Variants in PRKCB observed in about 807,000 individuals in gnomAD.
PRKCB encodes protein kinase C beta.
Under a neutral mutation model 81.5 loss-of-function variants are expected in PRKCB, and 13 were observed. The observed-to-expected ratio is 0.16, with a 90% CI of 0.10 to 0.25. The LOEUF (loss-of-function observed/expected upper bound fraction) is 0.25. Ranked by LOEUF, PRKCB falls within the 10% of genes least tolerant of loss-of-function variation. The pLI, the probability that PRKCB is intolerant of heterozygous loss-of-function variation, is 1.00. For synonymous variants in PRKCB, 335 were observed against 321.4 expected (o/e 1.04, Z -0.45); for missense variants, 509 against 875.7 (o/e 0.58, Z 5.29).
intron 10 of PRKCB, among the ~76,000 whole-genome samples, chr16:24,162,926 A>G (rs534579285): frequency 6.6e-6 from 1 of 152,134 alleles, no homozygotes; most frequent in African/African-American, 2.4e-5. Flanking sequence ...GGGCCTCATG[A>G]GGAGCTAGAA....
At chr16:23,886,719 T>G (rs1475664472) in intron 2 of PRKCB, among the ~76,000 whole-genome samples, 2 of 152,180 alleles carry the variant, frequency 1.3e-5, no homozygotes, top group Non-Finnish European at 2.9e-5. Context: ...AGCCGTGTTA[T>G]GAGTTGAACA....
intron 15 of PRKCB, among the ~76,000 whole-genome samples, chr16:24,189,660 A>AAG (rs1567407139): frequency 6.6e-6 from 1 of 151,448 alleles, no homozygotes. Context: ...AAAAAAAAAA[A>AAG]AAGAAGTAGC....
chr16:23,926,110 A>G (rs1267646547), intron 2 of PRKCB, among the ~76,000 whole-genome samples: 2 of 151,904 alleles, frequency 1.3e-5, no homozygotes, highest in Non-Finnish European at 2.9e-5. Flanking sequence ...CTCCGGCTCT[A>G]TAAAAATTAA....
chr16:24,109,557 G>C (rs377642616), intron 7 of PRKCB, among the ~76,000 whole-genome samples: 1 of 126,904 alleles, frequency 7.9e-6, no homozygotes, highest in African/African-American at 3.8e-5. Flanking sequence ...ATGGCCGCCC[G>C]GCAGAGGTGC....
intron 2 of PRKCB, among the ~76,000 whole-genome samples, chr16:23,933,928 C>CT (rs1964019603): frequency 2.1e-3 from 2 of 962 alleles, no homozygotes; most frequent in Non-Finnish European, 4.0e-3. Flanking sequence ...TCCTTCCATT[C>CT]ATCCATCCAT....
chr16:24,088,041 G>A (rs1966330268), intron 5 of PRKCB, among the ~76,000 whole-genome samples: 1 of 152,216 alleles, frequency 6.6e-6, no homozygotes, highest in Admixed American at 6.5e-5. Flanking sequence ...AACAAAGATA[G>A]TAAAGAAACA....
At chr16:24,117,589 A>G (rs1391734332) in intron 8 of PRKCB, among the ~76,000 whole-genome samples, 3 of 152,138 alleles carry the variant, frequency 2.0e-5, no homozygotes. Flanking sequence ...AAGCCCACAG[A>G]GGTTTAAGTA....
intron 2 of PRKCB, among the ~76,000 whole-genome samples, chr16:23,901,187 G>A (rs897513789): frequency 8.5e-5 from 13 of 152,144 alleles, no homozygotes; most frequent in African/African-American, 3.1e-4. Context: ...GAGCACGTGA[G>A]CGTTTGGGAT....
intron 16 of PRKCB, among the ~76,000 whole-genome samples, chr16:24,203,636 G>A (rs932212003): frequency 6.6e-6 from 1 of 152,170 alleles, no homozygotes; most frequent in Non-Finnish European, 1.5e-5. Flanking sequence ...TCCAGTGACA[G>A]TTGAATTTGG....
At chr16:24,088,714 C>CA (rs56883594) in intron 5 of PRKCB, among the ~76,000 whole-genome samples, 11,008 of 113,298 alleles carry the variant, frequency 0.097, 548 homozygotes, top group Middle Eastern at 0.19. Flanking sequence ...GACCCTGTGT[C>CA]AAAAAAAAAA....
intron 2 of PRKCB, among the ~76,000 whole-genome samples, chr16:23,868,825 T>C (rs1962854094): frequency 6.6e-6 from 1 of 152,234 alleles, no homozygotes. Context: ...CACTTGGGTT[T>C]GTTTTTGGCT....
intron 2 of PRKCB, among the ~76,000 whole-genome samples, chr16:23,854,817 G>A (rs566072956): frequency 6.6e-6 from 1 of 152,242 alleles, no homozygotes; most frequent in Admixed American, 6.5e-5. Context: ...CCTCGCAATT[G>A]CTTGGCTGTC....
chr16:23,909,917 T>G (rs1324486513), intron 2 of PRKCB, among the ~76,000 whole-genome samples: 1 of 152,188 alleles, frequency 6.6e-6, no homozygotes. Flanking sequence ...TCTCATGATC[T>G]AATCACCTCC....
At chr16:23,971,272 G>A (rs1056104908) in intron 2 of PRKCB, among the ~76,000 whole-genome samples, 1 of 152,196 alleles carries the variant, frequency 6.6e-6, no homozygotes, top group African/African-American at 2.4e-5. Context: ...CATGTTGTAG[G>A]TGTAGCGGGC....
chr16:23,988,448 C>A, intron 2 of PRKCB, 60 bp from the exon 3 acceptor site: 3 of 1,391,124 alleles, frequency 2.2e-6, no homozygotes, highest in Non-Finnish European at 3.1e-6. Flanking sequence ...CCCTTTCTCT[C>A]TCTTCCTCCT....
chr16:24,032,339 C>T (rs920698564), intron 4 of PRKCB, 92 bp downstream of exon 4: 1 of 831,148 alleles, frequency 1.2e-6, no homozygotes, highest in Non-Finnish European at 1.9e-6. Context: ...GTCTGCCATA[C>T]ATTCCCCCCT....
intron 7 of PRKCB, among the ~76,000 whole-genome samples, chr16:24,112,372 A>G (rs539541094): frequency 6.6e-5 from 10 of 151,622 alleles, no homozygotes; most frequent in African/African-American, 2.2e-4. Flanking sequence ...CTACAAAAAA[A>G]TTTTTTTTTG....
intron 5 of PRKCB, among the ~76,000 whole-genome samples, chr16:24,066,698 T>C (rs1200447346): frequency 2.0e-5 from 3 of 152,214 alleles, no homozygotes; most frequent in Admixed American, 2.0e-4. Flanking sequence ...TAAGTTGTCA[T>C]GTTTCCTAAG....
At chr16:24,189,836 A>G (rs1477847054) in intron 15 of PRKCB, among the ~76,000 whole-genome samples, 1 of 152,166 alleles carries the variant, frequency 6.6e-6, no homozygotes, top group Non-Finnish European at 1.5e-5. Flanking sequence ...TTCCTTCCCC[A>G]TCATCAGCAA....
Sources: gnomAD v4.1 joint callset for allele counts (sites outside exome capture counted in the v4.1 genomes callset) on GRCh38, gnomAD v4.1.1 for gene constraint, MANE v1.5 for transcripts, NCBI Gene and HGNC (gene_info 2026-07-23, HGNC 2026-07-21) for gene names.